MGST1: variants seen among roughly 807,000 people sequenced by gnomAD.
MGST1 encodes the protein microsomal glutathione S-transferase 1, also known as glutathione S-transferase 12.
In MGST1, 5 loss-of-function variants were observed where a neutral mutation model predicts 8.9. That is an observed-to-expected ratio of 0.56 (90% CI 0.29 to 1.19). The LOEUF is 1.19. Among genes scored for constraint, MGST1 ranks in the 50% most tolerant of loss-of-function variants. The pLI is 0.08. For missense variants in MGST1, 182 were observed against 187.4 expected, an observed-to-expected ratio of 0.97 and a Z score of 0.17; for synonymous variants, 54 against 67.8, an observed-to-expected ratio of 0.80 and a Z score of 1.00.
At chr12:16,566,649 A>G (rs547532974) in intron 4 of MGST1, among the ~76,000 whole-genome samples, 2 of 152,282 alleles carry the variant, frequency 1.3e-5, no homozygotes, top group African/African-American at 2.4e-5. Context: ...TCATAATTAA[A>G]TCTATATTAA....
At chr12:16,525,110 C>T (rs529618404) in intron 4 of MGST1, among the ~76,000 whole-genome samples, 8 of 151,826 alleles carry the variant, frequency 5.3e-5, no homozygotes, top group African/African-American at 1.7e-4. Flanking sequence ...GCCTTCTTTC[C>T]TTTTCACCTG....
chr12:16,386,495 A>G (rs1432344100), intron 1 of MGST1, among the ~76,000 whole-genome samples: 1 of 152,222 alleles, frequency 6.6e-6, no homozygotes, highest in Non-Finnish European at 1.5e-5. Context: ...AACTTGCATC[A>G]TTAAACTTTT....
intron 1 of MGST1, among the ~76,000 whole-genome samples, chr12:16,392,221 A>T (rs932022947): frequency 3.2e-4 from 48 of 152,142 alleles, no homozygotes; most frequent in African/African-American, 1.2e-3. Context: ...TGTCAATCTT[A>T]TCTCTAGAAT....
At chr12:16,418,669 C>A (rs554016612) in intron 1 of MGST1, among the ~76,000 whole-genome samples, 10 of 152,174 alleles carry the variant, frequency 6.6e-5, no homozygotes, top group Middle Eastern at 6.8e-3. Context: ...GTGTTTAAAT[C>A]CCACCTTTGC....
intron 4 of MGST1, among the ~76,000 whole-genome samples, chr12:16,478,644 A>T (rs1179144078): frequency 1.3e-5 from 2 of 152,094 alleles, no homozygotes; most frequent in Non-Finnish European, 2.9e-5. Context: ...TTAATTTCAG[A>T]AAGTGGGAGG....
chr12:16,479,140 T>C (rs1414060365), intron 4 of MGST1, among the ~76,000 whole-genome samples: 1 of 151,874 alleles, frequency 6.6e-6, no homozygotes, highest in Admixed American at 6.6e-5. Flanking sequence ...CTACTATACA[T>C]ATTAAAGTAT....
intron 4 of MGST1, among the ~76,000 whole-genome samples, chr12:16,530,177 T>C (rs1050160722): frequency 3.3e-5 from 5 of 152,172 alleles, no homozygotes; most frequent in African/African-American, 1.2e-4. Flanking sequence ...ATAAAAATGA[T>C]GTTTTTATAC....
At chr12:16,499,917 A>G (rs1425547144) in intron 4 of MGST1, among the ~76,000 whole-genome samples, 1 of 152,180 alleles carries the variant, frequency 6.6e-6, no homozygotes, top group Non-Finnish European at 1.5e-5. Flanking sequence ...TTTTTAAAAC[A>G]AATCGGTCAA....
chr12:16,468,948 C>T (rs1180641312), intron 4 of MGST1, among the ~76,000 whole-genome samples: 1 of 152,112 alleles, frequency 6.6e-6, no homozygotes, highest in Non-Finnish European at 1.5e-5. Context: ...GATCATCCAG[C>T]GTCATGCACA....
intron 4 of MGST1, among the ~76,000 whole-genome samples, chr12:16,566,013 TATATATATATATATATATATATATA>T (rs1942590843): frequency 2.5e-5 from 2 of 78,734 alleles, no homozygotes; most frequent in African/African-American, 9.1e-5. Context: ...TATATATATA[TATATATATATATATATATATATATA>T]TAAAATGGAG....
intron 4 of MGST1, among the ~76,000 whole-genome samples, chr12:16,450,573 T>G (rs183592620): frequency 2.0e-5 from 3 of 152,010 alleles, no homozygotes; most frequent in Admixed American, 1.3e-4. Flanking sequence ...GTAACAGGCT[T>G]GCAAAATCCA....
chr12:16,416,528 T>C (rs928949408), intron 1 of MGST1, among the ~76,000 whole-genome samples: 1 of 152,120 alleles, frequency 6.6e-6, no homozygotes, highest in Non-Finnish European at 1.5e-5. Flanking sequence ...TCTGGATTTC[T>C]TACGTGGCAG....
At chr12:16,508,370 T>C (rs998806493) in intron 4 of MGST1, among the ~76,000 whole-genome samples, 2 of 152,208 alleles carry the variant, frequency 1.3e-5, no homozygotes, top group African/African-American at 4.8e-5. Flanking sequence ...CTAGAGAATC[T>C]TGCATTATTA....
chr12:16,533,453 G>T (rs1279479413), intron 4 of MGST1, among the ~76,000 whole-genome samples: 2 of 152,044 alleles, frequency 1.3e-5, no homozygotes, highest in African/African-American at 4.8e-5. Flanking sequence ...GCTTTTCTAT[G>T]AGTTATACTG....
chr12:16,510,525 T>A (rs1382861890), intron 4 of MGST1, among the ~76,000 whole-genome samples: 1 of 150,536 alleles, frequency 6.6e-6, no homozygotes, highest in African/African-American at 2.4e-5. Flanking sequence ...GATTCAACAG[T>A]TGGCATTGCC....
intron 4 of MGST1, among the ~76,000 whole-genome samples, chr12:16,536,084 T>A (rs1418493333): frequency 2.0e-4 from 5 of 25,548 alleles, no homozygotes; most frequent in African/African-American, 2.1e-4. Flanking sequence ...TGTGTGTGAG[T>A]GTGTGTGTGT....
intron 4 of MGST1, among the ~76,000 whole-genome samples, chr12:16,459,829 C>T (rs1263632818): frequency 6.6e-6 from 1 of 152,038 alleles, no homozygotes; most frequent in Non-Finnish European, 1.5e-5. Flanking sequence ...TGCGTATGGC[C>T]TGGATTGCAT....
At chr12:16,429,406 C>G (rs2137091455) in intron 1 of MGST1, among the ~76,000 whole-genome samples, 1 of 152,048 alleles carries the variant, frequency 6.6e-6, no homozygotes, top group East Asian at 1.9e-4. Flanking sequence ...CGTTTATCTT[C>G]AGTTATGTTT....
intron 4 of MGST1, among the ~76,000 whole-genome samples, chr12:16,446,018 T>G (rs979956615): frequency 5.3e-5 from 8 of 151,892 alleles, no homozygotes; most frequent in African/African-American, 1.9e-4. Flanking sequence ...TCAAAACCAA[T>G]TACACATTTG....
Sources: gnomAD v4.1 joint callset for allele counts (sites outside exome capture counted in the v4.1 genomes callset) on GRCh38, gnomAD v4.1.1 for gene constraint, MANE v1.5 for transcripts, NCBI Gene and HGNC (gene_info 2026-07-23, HGNC 2026-07-21) for gene names.